IQSEC2: variants seen among roughly 807,000 people sequenced by gnomAD.
IQSEC2 encodes the protein IQ motif and SEC7 domain-containing protein 2.
Under a neutral mutation model 74.6 loss-of-function variants are expected in IQSEC2, and 6 were observed. The ratio of observed to expected loss-of-function variants is 0.08; its 90% CI spans 0.04 to 0.16. The LOEUF (loss-of-function observed/expected upper bound fraction) is 0.16. Among genes scored for constraint, IQSEC2 ranks in the 10% least tolerant of loss-of-function variants. The probability of loss-of-function intolerance (pLI) is 1.00; values close to 1 mark genes in which losing one functional copy is unlikely to be tolerated. For missense variants in IQSEC2, 734 were observed against 1,306.2 expected, an observed-to-expected ratio of 0.56 and a Z score of 6.75; for synonymous variants, 494 against 544.5, an observed-to-expected ratio of 0.91 and a Z score of 1.29.
intron 2 of IQSEC2, among the ~76,000 whole-genome samples, chrX:53,257,944 G>A (rs2074502788): frequency 9.0e-6 from 1 of 111,614 alleles, no homozygotes; most frequent in Admixed American, 9.5e-5. Context: ...CAGGCAGTCT[G>A]ACTCCAGAGC....
At chrX:53,309,551 G>A (rs1353968428) in intron 1 of IQSEC2, among the ~76,000 whole-genome samples, 2 of 111,452 alleles carry the variant, frequency 1.8e-5, no homozygotes, top group African/African-American at 6.5e-5. Context: ...TAAGAGAGGC[G>A]GGTGACGGGT....
At chrX:53,240,078 A>G (rs1433625966) in intron 10 of IQSEC2, among the ~76,000 whole-genome samples, 1 of 110,939 alleles carries the variant, frequency 9.0e-6, no homozygotes, top group Non-Finnish European at 1.9e-5. Flanking sequence ...TGGGCCAGGT[A>G]CTCCCTGGGG....
chrX:53,270,064 G>C (rs1042665621), intron 2 of IQSEC2, among the ~76,000 whole-genome samples: 1 of 82,537 alleles, frequency 1.2e-5, no homozygotes, highest in Non-Finnish European at 2.5e-5. Context: ...CCTGGGTCCC[G>C]GACCCGTCGA....
chrX:53,316,441 C>G (rs1028641492), intron 1 of IQSEC2, among the ~76,000 whole-genome samples: 17 of 111,406 alleles, frequency 1.5e-4, no homozygotes, highest in African/African-American at 4.9e-4. Flanking sequence ...GTCTCACGTG[C>G]TGTCTCTCAG....
rs781887771 is a variant in IQSEC2, at chrX:53,311,971, C to T, written c.707+8446G>A. ...AAACAAAACAGCAGAAAGCTCCTGA[C>T]GCTGCTAGTGAAGTGTCCTCAAGAT... On this transcript the variant is annotated intron_variant, in intron 1 of 14. Transcript: ENST00000642864. 2.2e-4 allele frequency among the ~76,000 whole-genome samples: 24 copies of T among 111,432 alleles called. 1 individual carries two copies. The highest frequency in any genetic ancestry group is 7.5e-4 in the South Asian group (2 of 2,652).
At position 53,235,199 on chromosome X, in the gene IQSEC2, G is replaced by C. The variant is rs1299191132; in HGVS notation, c.3502-15C>G. 1.7e-6 allele frequency: 2 copies of C among 1,164,946 alleles called. No homozygotes were observed. Among genetic ancestry groups the C allele is most frequent in the Middle Eastern group, 3.3e-4 (1 of 3,067 alleles). ...ATAACAGACCCCTGGAAGCGGGGAGGGGGGAAGTCAGGCCAGGCTAGATGC... is the reference window on the plus strand; with the variant it reads ...ATAACAGACCCCTGGAAGCGGGGAGCGGGGAAGTCAGGCCAGGCTAGATGC... On this transcript the variant is annotated splice_polypyrimidine_tract_variant and intron_variant, in intron 14 of 14. Transcript: ENST00000642864.
chrX:53,276,568 C>A (rs2074837048), intron 2 of IQSEC2, among the ~76,000 whole-genome samples: 1 of 112,570 alleles, frequency 8.9e-6, no homozygotes, highest in South Asian at 3.6e-4. Flanking sequence ...CTGGTTAAAA[C>A]TTCCAGAAAA....
chrX:53,295,461 G>A (rs1162994644), intron 1 of IQSEC2, among the ~76,000 whole-genome samples: 2 of 108,564 alleles, frequency 1.8e-5, no homozygotes, highest in East Asian at 2.9e-4. Flanking sequence ...AAAATTAGCC[G>A]GGCATGGTGG....
At chrX:53,277,693 C>T (rs5978150) in intron 2 of IQSEC2, among the ~76,000 whole-genome samples, 2,160 of 111,307 alleles carry the variant, frequency 0.019, 30 homozygotes, top group Middle Eastern at 0.042. Context: ...TATTTTGAGA[C>T]GGAGTCTTGC....
At chrX:53,308,087 C>T (rs1485552329) in intron 1 of IQSEC2, among the ~76,000 whole-genome samples, 18 of 102,724 alleles carry the variant, frequency 1.8e-4, no homozygotes, top group African/African-American at 6.5e-4. Flanking sequence ...TCGCTTGAAC[C>T]CGGGAGGCAG....
Position 53,234,278 on chromosome X carries a change from C to T in IQSEC2, c.4408G>A (p.Ala1470Thr), listed in dbSNP as rs191886831. 0.012 allele frequency: 12,292 copies of T among 1,026,508 alleles called. 76 individuals carry two copies. Among genetic ancestry groups the T allele is most frequent in the Non-Finnish European group, 0.014 (11,001 of 795,694 alleles). The allele number at this position is 1,026,508 out of a possible 1,213,427, so 84.6% of individuals were successfully genotyped here. A position where few individuals can be genotyped will look rare whatever the true frequency, so the allele number is the denominator to read the frequency against. Residue 1470 changes from alanine (A) to threonine (T), a missense_variant, in exon 15 of 15, where the codon GCC becomes ACC. Ala to Thr is a moderately conservative substitution (Grantham distance 58). Transcript: ENST00000642864. The stretch of plus-strand genomic sequence containing the variant: ...TTGGGGTTTGCACTGGGGGGGTTGG[C>T]TGTGCCAGGGGGCCCAGAGGCGTGC... ...PLHASGPPGT[A>T]NPPSANPKAK...
intron 10 of IQSEC2, among the ~76,000 whole-genome samples, chrX:53,241,217 C>T (rs1335242509): frequency 1.8e-5 from 2 of 111,298 alleles, no homozygotes; most frequent in African/African-American, 3.3e-5. Flanking sequence ...GTGATCCTCC[C>T]GACTCAGCCT....
chrX:53,284,249 C>T (rs1358032636), intron 2 of IQSEC2, among the ~76,000 whole-genome samples: 13 of 110,143 alleles, frequency 1.2e-4, no homozygotes, highest in African/African-American at 4.3e-4. Flanking sequence ...GGTAGGGAAG[C>T]TTCTTATATG....
intron 2 of IQSEC2, among the ~76,000 whole-genome samples, chrX:53,260,981 C>G (rs1162986724): frequency 9.0e-6 from 1 of 111,223 alleles, no homozygotes; most frequent in African/African-American, 3.3e-5. Context: ...CAATTCCTCC[C>G]TTGAGAGCTC....
intron 2 of IQSEC2, among the ~76,000 whole-genome samples, chrX:53,256,416 C>T (rs2074468510): frequency 2.7e-5 from 3 of 110,683 alleles, no homozygotes; most frequent in Non-Finnish European, 1.9e-5. Flanking sequence ...TGCCCCCTCA[C>T]AGCTCCACCC....
At chrX:53,257,272 A>C (rs1164113331) in intron 2 of IQSEC2, among the ~76,000 whole-genome samples, 1 of 112,717 alleles carries the variant, frequency 8.9e-6, no homozygotes, top group Non-Finnish European at 1.9e-5. Flanking sequence ...CTACCAGTGC[A>C]GGAGCTGGAA....
At chrX:53,294,652 T>G (rs1253903856) in intron 1 of IQSEC2, among the ~76,000 whole-genome samples, 1 of 111,487 alleles carries the variant, frequency 9.0e-6, no homozygotes, top group Non-Finnish European at 1.9e-5. Flanking sequence ...CTTAAAATAT[T>G]CTATTTCTTC....
Position 53,254,934 on chromosome X carries a change from G to T in IQSEC2, c.1000-3C>A. On this transcript the variant is annotated splice_region_variant and splice_polypyrimidine_tract_variant and intron_variant, in intron 3 of 14. Transcript: ENST00000642864. ...TACTTCCTCTCCAGCATTTCCACCT[G>T]GCAGAGAAGGGTCGAGGGGAACAAG... 1 of 1,208,700 alleles carries T rather than the reference G, an allele frequency of 8.3e-7. No individual in the cohort carries two copies. Among genetic ancestry groups the T allele is most frequent in the Non-Finnish European group, 1.1e-6 (1 of 894,315 alleles).
chrX:53,287,371 G>T (rs1413383970), intron 2 of IQSEC2, among the ~76,000 whole-genome samples: 5 of 112,414 alleles, frequency 4.4e-5, no homozygotes, highest in African/African-American at 1.6e-4. Context: ...AAGCTCCCTG[G>T]TTCCCTGACA....
Sources: allele counts gnomAD v4.1 joint callset (sites outside exome capture counted in the v4.1 genomes callset), GRCh38; gene constraint gnomAD v4.1.1; transcripts MANE v1.5; gene names NCBI Gene and HGNC (gene_info 2026-07-23, HGNC 2026-07-21).